RAPGEF5: variants seen among roughly 807,000 people sequenced by gnomAD.
RAPGEF5 encodes M-Ras-regulated GEF.
In RAPGEF5, 65 loss-of-function variants were observed where a neutral mutation model predicts 125.2. That is an observed-to-expected ratio of 0.52 (90% CI 0.43 to 0.64). RAPGEF5 has a LOEUF of 0.64. RAPGEF5 is among the 30% of genes least tolerant of loss of function. The pLI is 0.00. For synonymous variants in RAPGEF5, 391 were observed against 385.9 expected (o/e 1.01, Z -0.16); for missense variants, 958 against 1,048.1 (o/e 0.91, Z 1.19).
chr7:22,171,241 A>G (rs972790201), intron 11 of RAPGEF5, among the ~76,000 whole-genome samples: 4 of 152,180 alleles, frequency 2.6e-5, no homozygotes, highest in African/African-American at 9.7e-5. Context: ...AGCCATTTAG[A>G]AAGACTTACA....
chr7:22,262,692 A>G (rs117122686), intron 7 of RAPGEF5, among the ~76,000 whole-genome samples: 3 of 151,958 alleles, frequency 2.0e-5, no homozygotes, highest in South Asian at 2.1e-4. Context: ...ATGTCCTTCA[A>G]TTGGTGGATG....
At chr7:22,225,251 A>C (rs1265338084) in intron 8 of RAPGEF5, among the ~76,000 whole-genome samples, 1 of 152,202 alleles carries the variant, frequency 6.6e-6, no homozygotes, top group Non-Finnish European at 1.5e-5. Flanking sequence ...TGGGCCCACG[A>C]AGCAAATATG....
rs150301554 is a variant in RAPGEF5, at chr7:22,136,222, G to C, written c.2329-97C>G. 8.9e-5 allele frequency: 73 copies of C among 824,434 alleles called. No individual in the cohort carries two copies. The African/African-American group carries it at 1.1e-3, about 13-fold the overall frequency. 51.1% of individuals were successfully genotyped at this position (824,434 alleles called of 1,614,324 possible). A position where few individuals can be genotyped will look rare whatever the true frequency, so the allele number is the denominator to read the frequency against. ...TGCTACACAATTTGAACATAACTTAGATATAGAGAGATTCCTCCTAAGAAC... is the reference window on the plus strand; with the variant it reads ...TGCTACACAATTTGAACATAACTTACATATAGAGAGATTCCTCCTAAGAAC... On this transcript the variant is annotated intron_variant, in intron 22 of 25. Transcript: ENST00000665637.
chr7:22,175,315 T>G (rs895780248), intron 11 of RAPGEF5, among the ~76,000 whole-genome samples: 17 of 152,152 alleles, frequency 1.1e-4, no homozygotes, highest in Non-Finnish European at 2.5e-4. Context: ...GGGCATACTC[T>G]AGTTAAAAGG....
intron 17 of RAPGEF5, among the ~76,000 whole-genome samples, chr7:22,153,276 G>T (rs1783688783): frequency 1.3e-5 from 2 of 152,118 alleles, no homozygotes; most frequent in Admixed American, 1.3e-4. Context: ...GCTTAATACT[G>T]TTTAAAATCC....
intron 1 of RAPGEF5, among the ~76,000 whole-genome samples, chr7:22,330,900 A>G (rs191544925): frequency 1.3e-3 from 194 of 152,318 alleles, no homozygotes; most frequent in African/African-American, 4.4e-3. Context: ...TGCATTAGCT[A>G]CTCACTCTGG....
At chr7:22,354,438 A>G (rs908846876) in intron 1 of RAPGEF5, among the ~76,000 whole-genome samples, 1 of 152,196 alleles carries the variant, frequency 6.6e-6, no homozygotes, top group African/African-American at 2.4e-5. Flanking sequence ...TCACTGCCCA[A>G]TCCAAGGTGG....
At chr7:22,136,353 C>T (rs137967217) in intron 22 of RAPGEF5, among the ~76,000 whole-genome samples, 1 of 151,604 alleles carries the variant, frequency 6.6e-6, no homozygotes. Flanking sequence ...GGGAAATGAC[C>T]GCAAATGAGA....
At chr7:22,222,504 G>C (rs1040711756) in intron 8 of RAPGEF5, among the ~76,000 whole-genome samples, 26 of 152,184 alleles carry the variant, frequency 1.7e-4, no homozygotes, top group African/African-American at 6.3e-4. Flanking sequence ...CAGAGGAACA[G>C]CAAGTACAAG....
chr7:22,356,360 G>A (rs1784419534), intron 1 of RAPGEF5: 16 of 636,834 alleles, frequency 2.5e-5, no homozygotes, highest in Non-Finnish European at 3.1e-5. Flanking sequence ...CGGCGGTGGA[G>A]ACCACCAAAA....
intron 9 of RAPGEF5, among the ~76,000 whole-genome samples, chr7:22,213,902 G>T (rs1012213702): frequency 6.6e-6 from 1 of 152,162 alleles, no homozygotes; most frequent in Admixed American, 6.5e-5. Flanking sequence ...TGAAAACAAT[G>T]ATCAAACCTC....
chr7:22,340,011 A>T (rs1292751045), intron 1 of RAPGEF5, among the ~76,000 whole-genome samples: 1 of 152,008 alleles, frequency 6.6e-6, no homozygotes, highest in Non-Finnish European at 1.5e-5. Flanking sequence ...TAAATATTCT[A>T]AAAAAAATTA....
intron 6 of RAPGEF5, among the ~76,000 whole-genome samples, chr7:22,277,040 T>TAGCCC (rs1782573553): frequency 6.6e-6 from 1 of 152,350 alleles, no homozygotes; most frequent in South Asian, 2.1e-4. Context: ...TTCACCTACC[T>TAGCCC]AGCCCAGTCC....
intron 17 of RAPGEF5, among the ~76,000 whole-genome samples, chr7:22,154,209 T>G (rs142109035): frequency 3.3e-5 from 5 of 152,252 alleles, no homozygotes; most frequent in Non-Finnish European, 7.4e-5. Context: ...ATGAAAAGCT[T>G]TATAATGTAT....
At chr7:22,249,278 G>A (rs1313951868) in intron 7 of RAPGEF5, among the ~76,000 whole-genome samples, 2 of 152,100 alleles carry the variant, frequency 1.3e-5, no homozygotes, top group Non-Finnish European at 2.9e-5. Context: ...TGCAACCTCA[G>A]CGTCCCAGGT....
chr7:22,166,767 G>A (rs1002618414), intron 12 of RAPGEF5, among the ~76,000 whole-genome samples: 1 of 152,146 alleles, frequency 6.6e-6, no homozygotes, highest in African/African-American at 2.4e-5. Flanking sequence ...TGACTCTGGG[G>A]TTTACCCAGC....
intron 7 of RAPGEF5, among the ~76,000 whole-genome samples, chr7:22,243,250 G>T (rs534358314): frequency 1.1e-4 from 16 of 152,048 alleles, no homozygotes; most frequent in African/African-American, 3.1e-4. Flanking sequence ...AGTTTTTTTT[G>T]TTTGTTTGTT....
intron 4 of RAPGEF5, among the ~76,000 whole-genome samples, chr7:22,309,131 T>C (rs1408905733): frequency 6.6e-6 from 1 of 152,230 alleles, no homozygotes; most frequent in African/African-American, 2.4e-5. Context: ...GCTAGAGATT[T>C]TTCCAAAAGG....
chr7:22,188,255 A>G (rs1784882190), intron 11 of RAPGEF5, among the ~76,000 whole-genome samples: 1 of 152,208 alleles, frequency 6.6e-6, no homozygotes. Context: ...CAGGAATGCT[A>G]AAAGGCAAGG....
Sources: gnomAD v4.1 joint callset for allele counts (sites outside exome capture counted in the v4.1 genomes callset) on GRCh38, gnomAD v4.1.1 for gene constraint, MANE v1.5 for transcripts, NCBI Gene and HGNC (gene_info 2026-07-23, HGNC 2026-07-21) for gene names.